The following POU2F1 variants were observed in gnomAD, a reference collection of about 807,000 sequenced individuals.
POU2F1 encodes POU domain, class 2, transcription factor 1.
POU2F1 carries 16 observed loss-of-function variants against 84.9 expected under a neutral mutation model. The observed-to-expected ratio is 0.19, with a 90% CI of 0.13 to 0.29. The LOEUF (loss-of-function observed/expected upper bound fraction) is 0.29, where lower values mean the gene tolerates loss of function less well. Among genes scored for constraint, POU2F1 ranks in the 10% least tolerant of loss-of-function variants. POU2F1 has a pLI of 1.00. For synonymous variants in POU2F1, 368 were observed against 368.3 expected, an observed-to-expected ratio of 1.00 and a Z score of 0.01; for missense variants, 738 against 942.6, an observed-to-expected ratio of 0.78 and a Z score of 2.84.
intron 1 of POU2F1, among the ~76,000 whole-genome samples, chr1:167,228,389 A>C (rs1210600194): frequency 6.6e-6 from 1 of 152,234 alleles, no homozygotes; most frequent in Non-Finnish European, 1.5e-5. Flanking sequence ...TACTAGAGAT[A>C]CAAACATAAT....
intron 8 of POU2F1, 27 bp downstream of exon 8, chr1:167,383,978 T>G: frequency 6.4e-7 from 1 of 1,555,094 alleles, no homozygotes; most frequent in Non-Finnish European, 8.8e-7. Flanking sequence ...GGGGGCTGCT[T>G]TCTCTTATCA....
intron 7 of POU2F1, among the ~76,000 whole-genome samples, chr1:167,381,988 C>CATAAAAT (rs57233562): frequency 0.72 from 108,742 of 151,254 alleles, 39,284 homozygotes; most frequent in East Asian, 0.87. Flanking sequence ...TAATAGTTAA[C>CATAAAAT]ATAGTTTTGT....
rs552247701 is a variant in POU2F1, at chr1:167,295,121, CA to C, written c.62-37337del. 2.4e-3 allele frequency among the ~76,000 whole-genome samples: 343 copies of C among 141,792 alleles called. 1 individual carries two copies. Among genetic ancestry groups the C allele is most frequent in the Middle Eastern group, 3.6e-3 (1 of 280 alleles). The allele number at this position is 141,792 out of a possible 152,430, so 93.0% of individuals were successfully genotyped here. ...TCGGTGATAGAGCAAGACTCCATCT[CA>C]AAAAAAAAAAACCTAACAGTAGAAA... is the stretch of plus-strand genomic sequence containing the variant. On this transcript the variant is annotated intron_variant, in intron 1 of 15. Coordinates refer to ENST00000367866, the MANE Select transcript of POU2F1 (RefSeq NM_002697.4).
chr1:167,329,986 G>A (rs1211964323), intron 1 of POU2F1, among the ~76,000 whole-genome samples: 1 of 152,162 alleles, frequency 6.6e-6, no homozygotes, highest in Non-Finnish European at 1.5e-5. Context: ...TTTTGGAGTG[G>A]AAGATGTCCA....
At chr1:167,281,061 C>G (rs1049772672) in intron 1 of POU2F1, among the ~76,000 whole-genome samples, 10 of 152,238 alleles carry the variant, frequency 6.6e-5, no homozygotes, top group Admixed American at 3.9e-4. Flanking sequence ...AGATTACATC[C>G]CCATAGGAAG....
intron 2 of POU2F1, chr1:167,357,348 TCCCCCACGCCTC>T (rs1659008037): frequency 6.1e-5 from 2 of 33,036 alleles, no homozygotes; most frequent in African/African-American, 2.6e-4. Flanking sequence ...TTGCCCCCCC[TCCCCCACGCCTC>T]CCCCCCCACC....
chr1:167,392,478 C>T (rs1046850136), intron 9 of POU2F1, among the ~76,000 whole-genome samples: 1 of 152,080 alleles, frequency 6.6e-6, no homozygotes, highest in Non-Finnish European at 1.5e-5. Context: ...AAACTATTAG[C>T]ACAGCATACT....
chr1:167,278,767 A>T (rs1425158128), intron 1 of POU2F1, among the ~76,000 whole-genome samples: 1 of 151,752 alleles, frequency 6.6e-6, no homozygotes. Flanking sequence ...GACATTTTGC[A>T]AACTTTAATT....
intron 13 of POU2F1, among the ~76,000 whole-genome samples, chr1:167,406,290 T>C (rs1407084734): frequency 6.6e-6 from 1 of 152,198 alleles, no homozygotes; most frequent in African/African-American, 2.4e-5. Flanking sequence ...CACATAATCA[T>C]CTCAGTGGAT....
intron 2 of POU2F1, among the ~76,000 whole-genome samples, chr1:167,360,724 T>TA (rs34562226): frequency 3.5e-4 from 53 of 152,050 alleles, no homozygotes; most frequent in Non-Finnish European, 5.3e-4. Context: ...TCTAATTATG[T>TA]AAAAAAAATG....
chr1:167,356,975 G>A (rs952937063), intron 2 of POU2F1, among the ~76,000 whole-genome samples: 2 of 152,060 alleles, frequency 1.3e-5, no homozygotes, highest in Non-Finnish European at 2.9e-5. Flanking sequence ...GTCATATTCC[G>A]CCATTTTGTC....
At chr1:167,350,711 G>T (rs1457511604) in intron 2 of POU2F1, among the ~76,000 whole-genome samples, 1 of 150,590 alleles carries the variant, frequency 6.6e-6, no homozygotes, top group Non-Finnish European at 1.5e-5. Flanking sequence ...TGTATTATCT[G>T]TGTTAGGCTG....
chr1:167,222,024 CT>C (rs896035108), intron 1 of POU2F1, among the ~76,000 whole-genome samples: 130 of 152,254 alleles, frequency 8.5e-4, no homozygotes, highest in African/African-American at 3.0e-3. Context: ...GCTGCCCCCC[CT>C]CCGTTCCCCC....
intron 1 of POU2F1, among the ~76,000 whole-genome samples, chr1:167,329,556 C>T (rs967112954): frequency 6.6e-6 from 1 of 152,124 alleles, no homozygotes; most frequent in Non-Finnish European, 1.5e-5. Context: ...TAGAGTTCAG[C>T]TCGAATGAAT....
intron 1 of POU2F1, among the ~76,000 whole-genome samples, chr1:167,239,528 T>A (rs1649750859): frequency 1.3e-5 from 2 of 152,220 alleles, no homozygotes; most frequent in South Asian, 4.1e-4. Context: ...GGCTTAATGG[T>A]TGTATTTTGA....
intron 1 of POU2F1, among the ~76,000 whole-genome samples, chr1:167,319,388 G>A (rs1381691225): frequency 1.3e-5 from 2 of 152,124 alleles, no homozygotes; most frequent in African/African-American, 2.4e-5. Flanking sequence ...TAACATCTGG[G>A]CTTTAGGCAG....
At chr1:167,357,636 C>G (rs1659049680) in intron 2 of POU2F1, 1 of 151,760 alleles carries the variant, frequency 6.6e-6, no homozygotes, top group African/African-American at 2.4e-5. Flanking sequence ...GCCTCAGCCT[C>G]CCAAAATGCT....
chr1:167,289,737 T>C (rs1444770042), intron 1 of POU2F1, among the ~76,000 whole-genome samples: 1 of 152,250 alleles, frequency 6.6e-6, no homozygotes, highest in Non-Finnish European at 1.5e-5. Context: ...TAACTTTTAC[T>C]CTGTTCTATA....
intron 4 of POU2F1, 23 bp downstream of exon 4, chr1:167,370,237 G>A (rs1373234837): frequency 6.4e-7 from 1 of 1,561,836 alleles, no homozygotes; most frequent in Non-Finnish European, 8.7e-7. Flanking sequence ...CTGGGATTAT[G>A]GGTCAATCTT....
Sources: allele counts gnomAD v4.1 joint callset (sites outside exome capture counted in the v4.1 genomes callset), GRCh38; gene constraint gnomAD v4.1.1; transcripts MANE v1.5; gene names NCBI Gene and HGNC (gene_info 2026-07-23, HGNC 2026-07-21).